Variants in SLC2A10 observed in about 807,000 individuals in gnomAD.
SLC2A10 encodes the protein solute carrier family 2 member 10.
A neutral mutation model predicts 32.1 loss-of-function variants in SLC2A10; 25 were observed. That is an observed-to-expected ratio of 0.78 (90% CI 0.57 to 1.09). SLC2A10 has a LOEUF of 1.09. Ranked by LOEUF, SLC2A10 falls within the 50% of genes least tolerant of loss-of-function variation. The pLI is 0.00. For missense variants in SLC2A10, 673 were observed against 686.5 expected (o/e 0.98, Z 0.22); for synonymous variants, 332 against 309.6 (o/e 1.07, Z -0.76).
intron 1 of SLC2A10, among the ~76,000 whole-genome samples, chr20:46,721,451 AAAGAG>A (rs1979551122): frequency 6.6e-6 from 1 of 151,996 alleles, no homozygotes; most frequent in African/African-American, 2.4e-5. Context: ...AAAAAAAAAA[AAAGAG>A]AGAGAGAGAC....
Position 46,725,578 on chromosome 20 carries a change from G to A in SLC2A10, c.542G>A (p.Ser181Asn), listed in dbSNP as rs1271684750. ...ATAPAVLQSL[S>N]LLFLPAGTDE... is the part of the protein sequence containing the mutation. ...GCACCTGCTGTCCTGCAATCCCTCA[G>A]CCTCCTCTTCCTCCCTGCTGGTACA... Residue 181 changes from serine to asparagine, a missense_variant, in exon 2 of 5, where the codon AGC becomes AAC. Physicochemically the swap from Ser to Asn is conservative, Grantham distance 46. Coordinates refer to ENST00000359271, the MANE Select transcript of SLC2A10 (RefSeq NM_030777.4). The A allele has an allele frequency of 6.2e-7, 1 of 1,614,060 alleles. No individual in the cohort carries two copies. The highest frequency in any genetic ancestry group is 1.3e-5 in the African/African-American group (1 of 74,938).
upstream of SLC2A10, chr20:46,709,501 C>T (rs35119522): frequency 2.0e-4 from 91 of 463,782 alleles, no homozygotes; most frequent in East Asian, 3.3e-3. Context: ...GGGGTCCTTG[C>T]CAGGCCTGGG....
At chr20:46,716,970 C>T (rs918108971) in intron 1 of SLC2A10, among the ~76,000 whole-genome samples, 9 of 152,072 alleles carry the variant, frequency 5.9e-5, no homozygotes, top group African/African-American at 2.2e-4. Context: ...TTGCAGTGAG[C>T]CGGAATTACG....
At chr20:46,732,831 G>C (rs1980367592) in intron 4 of SLC2A10, among the ~76,000 whole-genome samples, 1 of 152,020 alleles carries the variant, frequency 6.6e-6, no homozygotes, top group African/African-American at 2.4e-5. Context: ...TCTAGAGCTG[G>C]AAGAAATGTT....
Position 46,725,867 on chromosome 20 carries a change from C to T in SLC2A10, c.831C>T (p.Gly277=), listed in dbSNP as rs142697617. 35 of 1,614,206 alleles carry T rather than the reference C, an allele frequency of 2.2e-5. No individual in the cohort carries two copies. The highest frequency in any genetic ancestry group is 1.3e-4 in the African/African-American group (10 of 75,062). ...CCGTGCTGGCCTCTGTGGGGCTTGGCGCAGTGAAGGTGGCAGCTACCCTGA... is the reference window on the plus strand; with the variant it reads ...CCGTGCTGGCCTCTGTGGGGCTTGGTGCAGTGAAGGTGGCAGCTACCCTGA... ...SSAVLASVGL[G]AVKVAATLTA... Residue 277 remains glycine (G), a synonymous_variant, in exon 2 of 5, where the codon GGC becomes GGT. Coordinates refer to ENST00000359271, the MANE Select transcript of SLC2A10 (RefSeq NM_030777.4).
At chr20:46,711,996 C>T (rs1978941131) in intron 1 of SLC2A10, among the ~76,000 whole-genome samples, 1 of 152,178 alleles carries the variant, frequency 6.6e-6, no homozygotes, top group Non-Finnish European at 1.5e-5. Context: ...GTTCAAGTTC[C>T]TGCTATGTGA....
intron 3 of SLC2A10, among the ~76,000 whole-genome samples, chr20:46,727,323 A>G (rs1980030455): frequency 6.6e-6 from 1 of 151,930 alleles, no homozygotes; most frequent in Non-Finnish European, 1.5e-5. Flanking sequence ...TTTCTTTTTA[A>G]TTTTTAATTT....
At chr20:46,724,777 T>C (rs1481993294) in intron 1 of SLC2A10, among the ~76,000 whole-genome samples, 2 of 145,352 alleles carry the variant, frequency 1.4e-5, no homozygotes, top group East Asian at 2.1e-4. Flanking sequence ...GATGGTTGAA[T>C]TGATGGAGTG....
chr20:46,732,142 T>C (rs922159212), intron 4 of SLC2A10, among the ~76,000 whole-genome samples: 1 of 152,232 alleles, frequency 6.6e-6, no homozygotes, highest in Non-Finnish European at 1.5e-5. Flanking sequence ...CCAGCTCCTC[T>C]ACCTGCTTTA....
chr20:46,713,574 G>A (rs940447644), intron 1 of SLC2A10, among the ~76,000 whole-genome samples: 3 of 152,198 alleles, frequency 2.0e-5, no homozygotes, highest in South Asian at 2.1e-4. Flanking sequence ...GAAGGCCACG[G>A]TGAGGACGTT....
chr20:46,710,013 C>A, intron 1 of SLC2A10: 1 of 525,920 alleles, frequency 1.9e-6, no homozygotes, highest in Non-Finnish European at 3.3e-6. Flanking sequence ...CTCTCCCGGG[C>A]GCCCTGATCC....
In SLC2A10 at chr20:46,725,355, G is replaced by A. The variant is rs779959777; in HGVS notation, c.319G>A (p.Val107Met). 2 of 1,614,100 alleles carry A rather than the reference G, an allele frequency of 1.2e-6. No individual in the cohort carries two copies. Among genetic ancestry groups the A allele is most frequent in the South Asian group, 1.1e-5 (1 of 91,082 alleles). Reference sequence around the variant, plus strand: ...GGCCTGGCTGGTCCTGGGCCGCGCTGTGGTTGGCTTCGCCATTTCCCTCTC... The same window carrying A: ...GGCCTGGCTGGTCCTGGGCCGCGCTATGGTTGGCTTCGCCATTTCCCTCTC... ...SLAWLVLGRA[V>M]VGFAISLSSM... The change falls in exon 2 of 5, where the codon GTG (valine) becomes ATG (methionine). Residue 107 changes from valine to methionine, a missense_variant. Val to Met is a conservative substitution (Grantham distance 21). Transcript: ENST00000359271.
chr20:46,732,294 C>CAAA (rs10624698), intron 4 of SLC2A10, among the ~76,000 whole-genome samples: 2 of 151,886 alleles, frequency 1.3e-5, no homozygotes, highest in Admixed American at 6.6e-5. Flanking sequence ...GGGGATATAA[C>CAAA]AAAAAAAATT....
intron 1 of SLC2A10, among the ~76,000 whole-genome samples, chr20:46,717,605 G>A (rs1212432473): frequency 6.6e-6 from 1 of 152,078 alleles, no homozygotes; most frequent in African/African-American, 2.4e-5. Flanking sequence ...GGCTGTTCTC[G>A]AACTCCTGAC....
At chr20:46,714,316 A>G (rs1488611556) in intron 1 of SLC2A10, among the ~76,000 whole-genome samples, 3 of 152,118 alleles carry the variant, frequency 2.0e-5, no homozygotes, top group Admixed American at 6.5e-5. Flanking sequence ...GAATTTGCTG[A>G]TTGATTGGAT....
chr20:46,730,162 C>T (rs976487335), intron 4 of SLC2A10, among the ~76,000 whole-genome samples: 4 of 152,144 alleles, frequency 2.6e-5, no homozygotes, highest in Non-Finnish European at 5.9e-5. Flanking sequence ...AAACATTGCA[C>T]GCAAAACGCT....
At position 46,726,136 on chromosome 20, in the gene SLC2A10, T is replaced by C; in HGVS notation, c.1100T>C (p.Ile367Thr). ...PRTNEDQREPILSTAKKTKPH... is the reference protein window; with the variant it reads ...PRTNEDQREPTLSTAKKTKPH... ...ACCAATGAGGACCAAAGGGAGCCAATCTTGTCCACTGCTAAGAAAACCAAG... is the reference window on the plus strand; with the variant it reads ...ACCAATGAGGACCAAAGGGAGCCAACCTTGTCCACTGCTAAGAAAACCAAG... The change falls in exon 2 of 5, where the codon ATC (isoleucine) becomes ACC (threonine). Residue 367 changes from isoleucine (I) to threonine (T), a missense_variant. By Grantham distance (89) the Ile-to-Thr change is moderately conservative. Coordinates refer to ENST00000359271, the MANE Select transcript of SLC2A10 (RefSeq NM_030777.4). 6.2e-7 allele frequency: 1 copy of C among 1,614,222 alleles called. No homozygotes were observed. Among genetic ancestry groups the C allele is most frequent in the South Asian group, 1.1e-5 (1 of 91,088 alleles).
chr20:46,718,815 A>T (rs1979392867), intron 1 of SLC2A10, among the ~76,000 whole-genome samples: 1 of 152,140 alleles, frequency 6.6e-6, no homozygotes, highest in East Asian at 1.9e-4. Flanking sequence ...TTGCTCTGTC[A>T]CCCAGGCTGG....
chr20:46,729,916 C>T (rs1223443666), intron 4 of SLC2A10, among the ~76,000 whole-genome samples: 1 of 152,200 alleles, frequency 6.6e-6, no homozygotes, highest in East Asian at 1.9e-4. Context: ...AAGCGTGAGC[C>T]ACCGCGCCCG....
Sources: allele counts gnomAD v4.1 joint callset (sites outside exome capture counted in the v4.1 genomes callset), GRCh38; gene constraint gnomAD v4.1.1; transcripts MANE v1.5; gene names NCBI Gene and HGNC (gene_info 2026-07-23, HGNC 2026-07-21).